Variants in SPOCK1 observed in about 807,000 individuals in gnomAD.
SPOCK1 encodes testican-1.
SPOCK1 carries 23 observed loss-of-function variants against 55.3 expected under a neutral mutation model. The ratio of observed to expected loss-of-function variants is 0.42; its 90% confidence interval spans 0.30 to 0.59. The LOEUF (loss-of-function observed/expected upper bound fraction) is 0.59. Among genes scored for constraint, SPOCK1 ranks in the 20% least tolerant of loss-of-function variants. SPOCK1 has a pLI of 0.22. For synonymous variants in SPOCK1, 226 were observed against 221.0 expected, an observed-to-expected ratio of 1.02 and a Z score of -0.20; for missense variants, 499 against 552.5, an observed-to-expected ratio of 0.90 and a Z score of 0.97.
intron 2 of SPOCK1, among the ~76,000 whole-genome samples, chr5:137,291,145 G>T (rs1463255269): frequency 1.3e-5 from 2 of 152,048 alleles, no homozygotes; most frequent in Admixed American, 6.6e-5. Flanking sequence ...ACTACCTGGT[G>T]ATCTATAGAA....
At chr5:137,326,081 T>C (rs1758071600) in intron 2 of SPOCK1, among the ~76,000 whole-genome samples, 1 of 152,204 alleles carries the variant, frequency 6.6e-6, no homozygotes, top group South Asian at 2.1e-4. Flanking sequence ...TAAAAGATAA[T>C]TACTATTGTG....
intron 7 of SPOCK1, among the ~76,000 whole-genome samples, chr5:136,990,933 TGGCCCCAAGAGTGCA>T (rs1750937746): frequency 6.6e-6 from 1 of 152,216 alleles, no homozygotes; most frequent in East Asian, 1.9e-4. Context: ...CCCTTCTAGT[TGGCCCCAAGAGTGCA>T]GGGACCAAGC....
At chr5:137,434,708 ACC>A (rs1223015056) in intron 2 of SPOCK1, among the ~76,000 whole-genome samples, 1 of 151,216 alleles carries the variant, frequency 6.6e-6, no homozygotes, top group Admixed American at 6.6e-5. Flanking sequence ...TCACCGTGTT[ACC>A]CAGGATGGTC....
intron 9 of SPOCK1, among the ~76,000 whole-genome samples, chr5:136,982,867 C>T (rs965319771): frequency 1.3e-5 from 2 of 152,046 alleles, no homozygotes; most frequent in East Asian, 3.9e-4. Flanking sequence ...TTCAGAGTAC[C>T]AGAGTACCTC....
rs1554077335 is a variant in SPOCK1, at chr5:137,356,838, T to TATATATGGAGAGAG, written c.187-89784_187-89783insCTCTCTCCATATAT. 2.6e-3 allele frequency among the ~76,000 whole-genome samples: 14 copies of TATATATGGAGAGAG among 5,460 alleles called. 2 individuals are homozygous for TATATATGGAGAGAG. The highest frequency in any genetic ancestry group is 2.8e-3 in the Admixed American group (1 of 352). The allele number at this position is 5,460 out of a possible 152,430, so 3.6% of individuals were successfully genotyped here. A position where few individuals can be genotyped will look rare whatever the true frequency, so the allele number is the denominator to read the frequency against. On this transcript the variant is annotated intron_variant, in intron 2 of 10. Transcript: ENST00000394945. ...ATATATATATATATATATATATATA[T>TATATATGGAGAGAG]AGAGAGAGAGAGAGAGAGAGAGAGA...
intron 2 of SPOCK1, among the ~76,000 whole-genome samples, chr5:137,413,256 TG>T: frequency 6.6e-6 from 1 of 152,194 alleles, no homozygotes; most frequent in Non-Finnish European, 1.5e-5. Context: ...AGAATTATAC[TG>T]CATTTAAATA....
chr5:136,994,623 A>G (rs925802248), intron 6 of SPOCK1, among the ~76,000 whole-genome samples: 2 of 151,724 alleles, frequency 1.3e-5, no homozygotes, highest in Non-Finnish European at 2.9e-5. Context: ...GAAAGCCAAC[A>G]ACAAATCCAC....
chr5:137,188,180 G>A (rs949315913), intron 3 of SPOCK1, among the ~76,000 whole-genome samples: 2 of 152,162 alleles, frequency 1.3e-5, no homozygotes, highest in African/African-American at 4.8e-5. Flanking sequence ...CACGTATGTG[G>A]CCCCATTCTT....
At chr5:137,342,537 C>A (rs959088934) in intron 2 of SPOCK1, among the ~76,000 whole-genome samples, 4 of 152,108 alleles carry the variant, frequency 2.6e-5, no homozygotes, top group African/African-American at 9.7e-5. Flanking sequence ...CATTCAGGAG[C>A]AAATAAAGTC....
At chr5:137,212,911 A>T (rs921812954) in intron 3 of SPOCK1, among the ~76,000 whole-genome samples, 1 of 152,124 alleles carries the variant, frequency 6.6e-6, no homozygotes, top group African/African-American at 2.4e-5. Context: ...CATAACCCCA[A>T]GCTTAGCCTC....
chr5:137,488,592 T>C (rs376695504), intron 2 of SPOCK1, among the ~76,000 whole-genome samples: 2 of 152,182 alleles, frequency 1.3e-5, no homozygotes, highest in East Asian at 1.9e-4. Context: ...TGGCCAGGCC[T>C]CTCAGAATTG....
At chr5:137,498,252 T>A in intron 2 of SPOCK1, 121 bp downstream of exon 2, 1 of 1,023,816 alleles carries the variant, frequency 9.8e-7, no homozygotes, top group East Asian at 3.2e-5. Context: ...GATGCCCACC[T>A]GTCCCCCTCC....
intron 3 of SPOCK1, among the ~76,000 whole-genome samples, chr5:137,142,107 G>A (rs1754109784): frequency 6.6e-6 from 1 of 152,174 alleles, no homozygotes; most frequent in Admixed American, 6.5e-5. Flanking sequence ...CCACAGTCAG[G>A]GGAGGTGATG....
chr5:137,049,038 G>C (rs1752152969), intron 6 of SPOCK1, among the ~76,000 whole-genome samples: 1 of 139,966 alleles, frequency 7.1e-6, no homozygotes, highest in African/African-American at 2.7e-5. Flanking sequence ...TTTCCTTTGA[G>C]GGTAACCCGA....
chr5:137,368,786 C>T (rs1751133058), intron 2 of SPOCK1, among the ~76,000 whole-genome samples: 2 of 152,214 alleles, frequency 1.3e-5, no homozygotes, highest in Non-Finnish European at 2.9e-5. Flanking sequence ...CTCCCTTCAC[C>T]ACTGCACACA....
chr5:137,037,191 A>T (rs529777960), intron 6 of SPOCK1, among the ~76,000 whole-genome samples: 4 of 151,958 alleles, frequency 2.6e-5, no homozygotes, highest in African/African-American at 9.7e-5. Context: ...CCAGAAGGAG[A>T]TGCCTCTGAT....
intron 2 of SPOCK1, among the ~76,000 whole-genome samples, chr5:137,391,637 G>A (rs1021134187): frequency 1.3e-5 from 2 of 151,966 alleles, no homozygotes; most frequent in Non-Finnish European, 2.9e-5. Flanking sequence ...TTCACTCGGT[G>A]CCTCCCCAGG....
intron 2 of SPOCK1, among the ~76,000 whole-genome samples, chr5:137,448,936 G>GAC (rs1470534131): frequency 6.6e-6 from 1 of 152,202 alleles, no homozygotes; most frequent in African/African-American, 2.4e-5. Context: ...AATCTGGCCT[G>GAC]ACACCTGATT....
chr5:137,384,208 C>A (rs991208018), intron 2 of SPOCK1, among the ~76,000 whole-genome samples: 7 of 152,216 alleles, frequency 4.6e-5, no homozygotes, highest in African/African-American at 1.7e-4. Flanking sequence ...GGGTGCTTGC[C>A]CTTTGTGGCG....
Sources: allele counts gnomAD v4.1 joint callset (sites outside exome capture counted in the v4.1 genomes callset), GRCh38; gene constraint gnomAD v4.1.1; transcripts MANE v1.5; gene names NCBI Gene and HGNC (gene_info 2026-07-23, HGNC 2026-07-21).